The following CDH18 variants were observed in gnomAD, a reference collection of about 807,000 sequenced individuals.
CDH18 encodes cadherin-18.
Under a neutral mutation model 67.9 loss-of-function variants are expected in CDH18, and 31 were observed. The observed-to-expected ratio is 0.46, with a 90% CI of 0.34 to 0.62. The LOEUF (loss-of-function observed/expected upper bound fraction) is 0.62, where lower values mean the gene tolerates loss of function less well. Among genes scored for constraint, CDH18 ranks in the 20% least tolerant of loss-of-function variants. The pLI is 0.01. For missense variants in CDH18, 890 were observed against 975.5 expected (o/e 0.91, Z 1.17); for synonymous variants, 362 against 347.2 (o/e 1.04, Z -0.48).
chr5:20,295,872 CTTTTT>C (rs35024141), intron 1 of CDH18, among the ~76,000 whole-genome samples: 1 of 109,978 alleles, frequency 9.1e-6, no homozygotes. Flanking sequence ...TCTTTTTTTT[CTTTTT>C]TTTTTTTTTT....
chr5:20,511,615 A>G (rs1755042033), intron 1 of CDH18, among the ~76,000 whole-genome samples: 1 of 152,208 alleles, frequency 6.6e-6, no homozygotes, highest in Non-Finnish European at 1.5e-5. Context: ...TTCTTATTAA[A>G]TATCATATGA....
rs79917057 is a variant in CDH18 at position 20,035,271 on chromosome 5, T to C, written c.-517-43257A>G. 0.018 allele frequency among the ~76,000 whole-genome samples: 2,671 copies of C among 152,164 alleles called. 173 individuals are homozygous for C. The East Asian group carries it at 0.25, about 14-fold the overall frequency. ...GATTGGTATATTCCAGGCCTGTCCA[T>C]GCAATTTATTATATGCTGGATTTAC... On this transcript the variant is annotated intron_variant, in intron 2 of 14. Coordinates refer to the CDH18 transcript ENST00000507958.
chr5:19,857,249 T>TAA (rs5866402), intron 2 of CDH18, among the ~76,000 whole-genome samples: 4 of 139,430 alleles, frequency 2.9e-5, no homozygotes, highest in African/African-American at 5.3e-5. Context: ...AAACGAATAC[T>TAA]AAAAAAAAAA....
chr5:20,313,085 A>G (rs1737143009), intron 1 of CDH18, among the ~76,000 whole-genome samples: 1 of 152,116 alleles, frequency 6.6e-6, no homozygotes, highest in Non-Finnish European at 1.5e-5. Flanking sequence ...TAACAAGGAT[A>G]AATAATTTTG....
chr5:20,313,699 G>A (rs2149993977), intron 1 of CDH18, among the ~76,000 whole-genome samples: 1 of 152,106 alleles, frequency 6.6e-6, no homozygotes, highest in Middle Eastern at 3.4e-3. Flanking sequence ...ATGAGGGATA[G>A]TGCACAGTTA....
chr5:20,278,623 A>AT (rs1232423943), intron 1 of CDH18, among the ~76,000 whole-genome samples: 2 of 152,170 alleles, frequency 1.3e-5, no homozygotes, highest in Non-Finnish European at 2.9e-5. Flanking sequence ...TAATATTGTA[A>AT]TTGTGGTGTG....
intron 3 of CDH18, among the ~76,000 whole-genome samples, chr5:19,800,116 A>G (rs923880279): frequency 6.6e-6 from 1 of 152,174 alleles, no homozygotes; most frequent in African/African-American, 2.4e-5. Flanking sequence ...AAGAGAGAGA[A>G]GGATAAAAGA....
chr5:19,816,054 A>T (rs1779254480), intron 3 of CDH18, among the ~76,000 whole-genome samples: 1 of 151,958 alleles, frequency 6.6e-6, no homozygotes, highest in African/African-American at 2.4e-5. Context: ...AGAGAACGTC[A>T]TTCTTTTGTT....
At chr5:19,479,569 C>T (rs1739049333) in intron 12 of CDH18, among the ~76,000 whole-genome samples, 1 of 152,058 alleles carries the variant, frequency 6.6e-6, no homozygotes, top group Non-Finnish European at 1.5e-5. Context: ...TTAGTTGAAA[C>T]TTAAATATGC....
intron 5 of CDH18, among the ~76,000 whole-genome samples, chr5:19,708,038 C>T (rs1412317396): frequency 6.6e-6 from 1 of 152,146 alleles, no homozygotes; most frequent in Non-Finnish European, 1.5e-5. Flanking sequence ...ATAGTGGCAC[C>T]TCAACCTCAA....
At chr5:19,523,492 A>T (rs1747250812) in intron 9 of CDH18, among the ~76,000 whole-genome samples, 1 of 152,220 alleles carries the variant, frequency 6.6e-6, no homozygotes, top group Non-Finnish European at 1.5e-5. Flanking sequence ...CAATTTTAAA[A>T]GCCAACACAA....
At chr5:20,166,822 G>A (rs1561844296) in intron 2 of CDH18, among the ~76,000 whole-genome samples, 1 of 152,104 alleles carries the variant, frequency 6.6e-6, no homozygotes, top group Non-Finnish European at 1.5e-5. Context: ...CCACTCCGTT[G>A]TCCTCCAAGC....
intron 1 of CDH18, among the ~76,000 whole-genome samples, chr5:20,279,730 C>CAAAAAAAAAAAAAAAAAAAAAAAAAA (rs1309866477): frequency 7.5e-5 from 5 of 66,684 alleles, no homozygotes; most frequent in Non-Finnish European, 2.9e-5. Flanking sequence ...AAAAAAAAAG[C>CAAAAAAAAAAAAAAAAAAAAAAAAAA]AAAAACTGTA....
At chr5:19,938,357 AT>A (rs142113140) in intron 2 of CDH18, among the ~76,000 whole-genome samples, 3,535 of 151,234 alleles carry the variant, frequency 0.023, 100 homozygotes, top group African/African-American at 0.078. Flanking sequence ...ATTTATTTTA[AT>A]TTTTTTATTA....
chr5:19,611,625 A>T (rs928732979), intron 6 of CDH18, among the ~76,000 whole-genome samples: 10 of 152,258 alleles, frequency 6.6e-5, no homozygotes, highest in Admixed American at 1.3e-4. Flanking sequence ...GTACCAAAGG[A>T]TCTAATTTAT....
intron 8 of CDH18, among the ~76,000 whole-genome samples, chr5:19,569,851 A>T (rs777826218): frequency 2.6e-5 from 4 of 152,134 alleles, no homozygotes; most frequent in Non-Finnish European, 4.4e-5. Context: ...GATCATATGA[A>T]TATGTCAAAT....
intron 1 of CDH18, among the ~76,000 whole-genome samples, chr5:20,458,653 G>T (rs1314312784): frequency 5.9e-5 from 9 of 151,992 alleles, no homozygotes; most frequent in African/African-American, 1.2e-4. Flanking sequence ...AAACCCATAT[G>T]TATTCTATTG....
intron 2 of CDH18, among the ~76,000 whole-genome samples, chr5:20,230,200 C>G: frequency 6.6e-6 from 1 of 151,982 alleles, no homozygotes. Flanking sequence ...AACAGAAAGC[C>G]CTTTGTGTAT....
intron 2 of CDH18, among the ~76,000 whole-genome samples, chr5:20,194,732 C>T (rs934766656): frequency 1.3e-5 from 2 of 151,898 alleles, no homozygotes; most frequent in African/African-American, 4.8e-5. Flanking sequence ...CAACACTTAA[C>T]ATTTCCCTGA....
Sources: gnomAD v4.1 joint callset for allele counts (sites outside exome capture counted in the v4.1 genomes callset) on GRCh38, gnomAD v4.1.1 for gene constraint, MANE v1.5 for transcripts, NCBI Gene and HGNC (gene_info 2026-07-23, HGNC 2026-07-21) for gene names.